The following GPD2 variants were observed in gnomAD, a reference collection of about 807,000 sequenced individuals.
GPD2 encodes glycerol-3-phosphate dehydrogenase, mitochondrial.
In GPD2, 54 loss-of-function variants were observed where a neutral mutation model predicts 82.4. That is an observed-to-expected ratio of 0.66 (90% CI 0.53 to 0.82). The LOEUF (loss-of-function observed/expected upper bound fraction) is 0.82. GPD2 is among the 40% of genes least tolerant of loss of function. The pLI is 0.00. For missense variants in GPD2, 748 were observed against 896.2 expected, an observed-to-expected ratio of 0.83 and a Z score of 2.11; for synonymous variants, 288 against 306.1, an observed-to-expected ratio of 0.94 and a Z score of 0.62.
At chr2:156,519,626 G>A (rs1558939532) in intron 6 of GPD2, among the ~76,000 whole-genome samples, 1 of 152,252 alleles carries the variant, frequency 6.6e-6, no homozygotes, top group Admixed American at 6.5e-5. Flanking sequence ...ACGTATGTAA[G>A]TTGTAAAGTT....
chr2:156,434,234 G>C (rs1273954147), upstream of GPD2, among the ~76,000 whole-genome samples: 1 of 152,100 alleles, frequency 6.6e-6, no homozygotes, highest in South Asian at 2.1e-4. Context: ...TTCCTGAGTA[G>C]CTGGGATTAC....
At chr2:156,452,168 C>T (rs1198761860) in intron 1 of GPD2, among the ~76,000 whole-genome samples, 1 of 152,208 alleles carries the variant, frequency 6.6e-6, no homozygotes, top group Non-Finnish European at 1.5e-5. Flanking sequence ...CGGGCAGAGG[C>T]TGCACTCCTG....
intron 1 of GPD2, among the ~76,000 whole-genome samples, chr2:156,450,582 A>G (rs1481162867): frequency 6.6e-6 from 1 of 152,094 alleles, no homozygotes; most frequent in Non-Finnish European, 1.5e-5. Flanking sequence ...GATTTTGACA[A>G]TTTGACATAT....
intron 13 of GPD2, among the ~76,000 whole-genome samples, chr2:156,574,130 A>G (rs1687734163): frequency 6.6e-6 from 1 of 152,158 alleles, no homozygotes; most frequent in Non-Finnish European, 1.5e-5. Context: ...ACCAAAATCC[A>G]ACCAACTTGG....
intron 13 of GPD2, among the ~76,000 whole-genome samples, chr2:156,575,947 T>A (rs1687806814): frequency 6.6e-6 from 1 of 152,244 alleles, no homozygotes; most frequent in Non-Finnish European, 1.5e-5. Context: ...GCATCTTTGA[T>A]GTACCAATAA....
intron 6 of GPD2, 99 bp downstream of exon 6, chr2:156,513,595 A>G: frequency 1.1e-6 from 1 of 918,976 alleles, no homozygotes. Flanking sequence ...ATCTTTAAAT[A>G]CTAATCTTAC....
chr2:156,497,072 G>A (rs953583685), intron 3 of GPD2, among the ~76,000 whole-genome samples: 4 of 152,148 alleles, frequency 2.6e-5, no homozygotes, highest in Admixed American at 2.0e-4. Context: ...AAAATACTAT[G>A]TTTGTTTTGG....
the GPD2 span, among the ~76,000 whole-genome samples, chr2:156,413,444 T>A: frequency 6.7e-6 from 1 of 149,098 alleles, no homozygotes; most frequent in Non-Finnish European, 1.5e-5. Context: ...ATTAGCCAGG[T>A]GTGGTGGTTC....
chr2:156,402,446 A>T, the GPD2 span, among the ~76,000 whole-genome samples: 7 of 152,216 alleles, frequency 4.6e-5, no homozygotes, highest in African/African-American at 1.7e-4. Context: ...ATCCTAAATA[A>T]CCTGTGGAAG....
At chr2:156,415,592 A>G in the GPD2 span, among the ~76,000 whole-genome samples, 5 of 151,872 alleles carry the variant, frequency 3.3e-5, no homozygotes, top group Admixed American at 3.3e-4. Context: ...ACTGTGGCTC[A>G]TGCCTATAAT....
In GPD2 at chr2:156,579,175, T is replaced by C. The variant is rs376978785; in HGVS notation, c.1959+11T>C. The C allele has an allele frequency of 3.3e-6, 5 of 1,500,630 alleles. No homozygotes were observed. In the African/African-American group the frequency reaches 6.9e-5, roughly 21 times the overall value. 93.0% of individuals were successfully genotyped at this position (1,500,630 alleles called of 1,614,324 possible). On this transcript the variant is annotated intron_variant, in intron 15 of 16. Coordinates refer to ENST00000438166, the MANE Select transcript of GPD2 (RefSeq NM_000408.5). ...CAGCGTGTATTAGAGGTAATTTTCT[T>C]TGGTTGATGTCAGCCTCTGATACTA...
At chr2:156,426,049 G>A in the GPD2 span, among the ~76,000 whole-genome samples, 4 of 151,016 alleles carry the variant, frequency 2.6e-5, no homozygotes, top group African/African-American at 9.7e-5. Flanking sequence ...TAGCCTCCCC[G>A]AGTAGCTGGG....
chr2:156,430,289 A>C, the GPD2 span, among the ~76,000 whole-genome samples: 2 of 152,130 alleles, frequency 1.3e-5, no homozygotes, highest in Admixed American at 1.3e-4. Flanking sequence ...TCTTCAGCAT[A>C]TTACTTAATA....
chr2:156,409,395 AAC>A, the GPD2 span, among the ~76,000 whole-genome samples: 1 of 152,212 alleles, frequency 6.6e-6, no homozygotes, highest in East Asian at 1.9e-4. Context: ...AGCTAAACAC[AAC>A]AATAATAGTA....
At chr2:156,520,829 G>A (rs1482608298) in intron 6 of GPD2, among the ~76,000 whole-genome samples, 1 of 151,986 alleles carries the variant, frequency 6.6e-6, no homozygotes, top group Admixed American at 6.5e-5. Flanking sequence ...CTGGCAGTCC[G>A]CCTGCCTCAG....
intron 3 of GPD2, chr2:156,501,687 G>A (rs959582647): frequency 3.0e-5 from 5 of 168,142 alleles, no homozygotes; most frequent in Middle Eastern, 6.2e-4. Flanking sequence ...TTTGCTCTTT[G>A]CTGGACACAG....
intron 1 of GPD2, among the ~76,000 whole-genome samples, chr2:156,470,136 A>C (rs1683279377): frequency 1.3e-5 from 2 of 152,088 alleles, no homozygotes; most frequent in African/African-American, 4.8e-5. Context: ...TGACAAAGGG[A>C]CCCAGGGCTT....
At chr2:156,490,517 C>G (rs1158750574) in intron 2 of GPD2, among the ~76,000 whole-genome samples, 1 of 151,880 alleles carries the variant, frequency 6.6e-6, no homozygotes, top group Non-Finnish European at 1.5e-5. Flanking sequence ...ACCTTCAAAA[C>G]AAAACTATAC....
chr2:156,466,379 G>A (rs1683149814), intron 1 of GPD2, among the ~76,000 whole-genome samples: 1 of 151,942 alleles, frequency 6.6e-6, no homozygotes, highest in Non-Finnish European at 1.5e-5. Context: ...ATTAAGCTGT[G>A]GTTATTTGCA....
Sources: allele counts gnomAD v4.1 joint callset (sites outside exome capture counted in the v4.1 genomes callset), GRCh38; gene constraint gnomAD v4.1.1; transcripts MANE v1.5; gene names NCBI Gene and HGNC (gene_info 2026-07-23, HGNC 2026-07-21).